The following EOGT variants were observed in gnomAD, a reference collection of about 807,000 sequenced individuals.
EOGT encodes EGF domain specific O-linked N-acetylglucosamine transferase.
Under a neutral mutation model 70.5 loss-of-function variants are expected in EOGT, and 55 were observed. The ratio of observed to expected loss-of-function variants is 0.78; its 90% CI spans 0.63 to 0.98. The LOEUF (loss-of-function observed/expected upper bound fraction) is 0.98. EOGT is among the 50% of genes least tolerant of loss of function. EOGT has a pLI of 0.00. For synonymous variants in EOGT, 246 were observed against 217.1 expected (o/e 1.13, Z -1.17); for missense variants, 703 against 641.9 (o/e 1.10, Z -1.03).
In EOGT at chr3:68,979,700, A is replaced by C. The variant is rs756094974; in HGVS notation, c.1302T>G (p.Leu434=). The part of the protein sequence containing the change: ...GMHGAGLTHL[L]FLPDWAAVFE... ...ATACAGCAGCCCAGTCTGGAAGGAA[A>C]AGTAAATGGGTCAGACCAGCTCCAT... The change falls in exon 16 of 18, where the codon CTT becomes CTG. Residue 434 remains leucine, a synonymous_variant. Transcript: ENST00000383701. 3 of 1,613,978 alleles carry C rather than the reference A, an allele frequency of 1.9e-6. No homozygotes were observed. In the South Asian group the frequency reaches 3.3e-5, roughly 18 times the overall value.
intron 13 of EOGT, 89 bp downstream of exon 13, chr3:68,988,206 T>C (rs2090871497): frequency 1.1e-6 from 1 of 922,294 alleles, no homozygotes; most frequent in East Asian, 2.6e-5. Context: ...CATGGTCTCC[T>C]GATTATTTCT....
intron 16 of EOGT, 21 bp from the exon 17 acceptor site, chr3:68,978,456 C>A: frequency 6.6e-7 from 1 of 1,514,550 alleles, no homozygotes; most frequent in Non-Finnish European, 9.0e-7. Context: ...AAGGGTGTCA[C>A]AACATGAGGC....
chr3:68,999,105 T>C (rs982571248), intron 9 of EOGT, among the ~76,000 whole-genome samples: 1 of 152,192 alleles, frequency 6.6e-6, no homozygotes, highest in South Asian at 2.1e-4. Context: ...GCAACATTCT[T>C]AGATGAGTTT....
In EOGT at chr3:68,977,471, C is replaced by T; in HGVS notation, c.*147G>A. ...CCACATGAAACACTTAACATCTATACAACACATAACAATATCCTGAAGGTA... is the reference window on the plus strand; with the variant it reads ...CCACATGAAACACTTAACATCTATATAACACATAACAATATCCTGAAGGTA... On this transcript the variant is annotated 3_prime_UTR_variant, in exon 18 of 18. Transcript: ENST00000383701. 2 of 756,972 alleles carry T rather than the reference C, an allele frequency of 2.6e-6. No individual in the cohort carries two copies. The highest frequency in any genetic ancestry group is 4.2e-6 in the Non-Finnish European group (2 of 473,416). The allele number at this position is 756,972 out of a possible 1,614,324, so 46.9% of individuals were successfully genotyped here. A position where few individuals can be genotyped will look rare whatever the true frequency, so the allele number is the denominator to read the frequency against.
chr3:68,988,057 G>C (rs1052747862), intron 13 of EOGT, among the ~76,000 whole-genome samples: 6 of 152,204 alleles, frequency 3.9e-5, no homozygotes, highest in Non-Finnish European at 7.3e-5. Context: ...TGGGACTACA[G>C]GCACATGCCA....
At chr3:68,980,766 G>A (rs1028096747) in intron 15 of EOGT, among the ~76,000 whole-genome samples, 2 of 152,210 alleles carry the variant, frequency 1.3e-5, no homozygotes, top group African/African-American at 2.4e-5. Context: ...GGGAAGGACG[G>A]CCATTCACCC....
At chr3:69,009,963 G>T in intron 3 of EOGT, 103 bp from the exon 4 acceptor site, 2 of 775,510 alleles carry the variant, frequency 2.6e-6, no homozygotes, top group East Asian at 2.7e-5. Flanking sequence ...AGGGTCAAGG[G>T]CTAAGTATAA....
At chr3:69,006,363 C>G (rs1050659237) in intron 6 of EOGT, among the ~76,000 whole-genome samples, 1 of 152,154 alleles carries the variant, frequency 6.6e-6, no homozygotes, top group Non-Finnish European at 1.5e-5. Flanking sequence ...ACGTGACACC[C>G]TCCAATAGCT....
chr3:68,978,822 A>G (rs1037394028), intron 16 of EOGT, among the ~76,000 whole-genome samples: 3 of 152,174 alleles, frequency 2.0e-5, no homozygotes, highest in Admixed American at 1.3e-4. Context: ...CCATTAGACT[A>G]TAAGGCTTGA....
chr3:68,996,739 G>T (rs1184893600), intron 10 of EOGT, among the ~76,000 whole-genome samples: 4 of 152,190 alleles, frequency 2.6e-5, no homozygotes, highest in Non-Finnish European at 4.4e-5. Flanking sequence ...AGCAAGCTGT[G>T]GTTCCCCTGC....
intron 6 of EOGT, 22 bp downstream of exon 6, chr3:69,007,691 T>C (rs754383620): frequency 7.0e-7 from 1 of 1,432,958 alleles, no homozygotes. Flanking sequence ...CAAGTTTATT[T>C]AGTAAGGAGC....
chr3:68,987,576 G>A, intron 13 of EOGT, 63 bp from the exon 14 acceptor site: 1 of 1,214,438 alleles, frequency 8.2e-7, no homozygotes, highest in Non-Finnish European at 1.2e-6. Flanking sequence ...ATGAACATCT[G>A]AACCCAAAAT....
intron 10 of EOGT, among the ~76,000 whole-genome samples, chr3:68,990,629 C>A (rs549949672): frequency 6.6e-6 from 1 of 152,084 alleles, no homozygotes; most frequent in African/African-American, 2.4e-5. Context: ...GCTGAGATTA[C>A]AGAAACCACA....
chr3:68,993,151 G>A (rs2091044397), intron 10 of EOGT, among the ~76,000 whole-genome samples: 1 of 152,154 alleles, frequency 6.6e-6, no homozygotes, highest in Non-Finnish European at 1.5e-5. Flanking sequence ...GCAAAGTTCT[G>A]CAGCTGACTT....
At chr3:68,990,113 T>A (rs144982440) in intron 10 of EOGT, among the ~76,000 whole-genome samples, 2 of 152,234 alleles carry the variant, frequency 1.3e-5, no homozygotes, top group Non-Finnish European at 1.5e-5. Context: ...CAGGCAGTTT[T>A]TTTGGGCACT....
chr3:68,998,993 T>C (rs1326511574), intron 9 of EOGT, among the ~76,000 whole-genome samples: 1 of 152,196 alleles, frequency 6.6e-6, no homozygotes. Context: ...GGAAAAACAT[T>C]AACCAACTAT....
Position 68,988,304 on chromosome 3 carries a change from T to C in EOGT, c.1074A>G (p.Glu358=). 1 of 1,535,568 alleles carries C rather than the reference T, an allele frequency of 6.5e-7. No homozygotes were observed. Among genetic ancestry groups the C allele is most frequent in the Middle Eastern group, 1.7e-4 (1 of 5,984 alleles). The change falls in exon 13 of 18, where the codon GAA becomes GAG. Residue 358 remains glutamate, a synonymous_variant. Transcript: ENST00000383701. The stretch of plus-strand genomic sequence containing the variant: ...GCAGTGTATCCATTACCTTAGGTCC[T>C]TCTTGTGTGATGTTTAGTCTGTGTA... ...HVLHRLNITQ[E]GPKDGKIRVT... is the part of the protein sequence containing the mutation.
At chr3:68,982,940 C>A (rs2090692867) in intron 14 of EOGT, 68 bp from the exon 15 acceptor site, 1 of 1,205,306 alleles carries the variant, frequency 8.3e-7, no homozygotes, top group South Asian at 1.5e-5. Context: ...CCTTATGAGT[C>A]CTAAAATTTC....
chr3:68,995,246 A>G (rs1024515407), intron 10 of EOGT, among the ~76,000 whole-genome samples: 1 of 152,170 alleles, frequency 6.6e-6, no homozygotes, highest in Non-Finnish European at 1.5e-5. Context: ...AACAAAAGGG[A>G]AACAGCAGCC....
Sources: allele counts gnomAD v4.1 joint callset (sites outside exome capture counted in the v4.1 genomes callset), GRCh38; gene constraint gnomAD v4.1.1; transcripts MANE v1.5; gene names NCBI Gene and HGNC (gene_info 2026-07-23, HGNC 2026-07-21).